The following STK31 variants were observed in gnomAD, a reference collection of about 807,000 sequenced individuals.
STK31 encodes the protein serine/threonine-protein kinase 31.
STK31 carries 89 observed loss-of-function variants against 129.7 expected under a neutral mutation model. The observed-to-expected ratio is 0.69, with a 90% CI of 0.58 to 0.82. The LOEUF is 0.82. Ranked by LOEUF, STK31 falls within the 40% of genes least tolerant of loss-of-function variation. The probability of loss-of-function intolerance (pLI) is 0.00; values close to 1 mark genes in which losing one functional copy is unlikely to be tolerated. For synonymous variants in STK31, 448 were observed against 395.3 expected (o/e 1.13, Z -1.58); for missense variants, 1,187 against 1,176.4 (o/e 1.01, Z -0.13).
At chr7:23,779,863 A>C (rs1430572224) in intron 15 of STK31, among the ~76,000 whole-genome samples, 1 of 152,146 alleles carries the variant, frequency 6.6e-6, no homozygotes, top group Non-Finnish European at 1.5e-5. Flanking sequence ...TCTTGCTGGC[A>C]TTCCAGGTGC....
At chr7:23,729,061 G>T in intron 5 of STK31, 30 bp from the exon 6 acceptor site, 1 of 1,558,050 alleles carries the variant, frequency 6.4e-7, no homozygotes, top group Non-Finnish European at 8.6e-7. Flanking sequence ...TCTGGGGTCA[G>T]TATTCGTATT....
At chr7:23,773,198 C>T (rs1007693949) in intron 15 of STK31, among the ~76,000 whole-genome samples, 1 of 152,022 alleles carries the variant, frequency 6.6e-6, no homozygotes, top group South Asian at 2.1e-4. Context: ...TCCCCTAGAC[C>T]CCCACCCCCT....
At chr7:23,717,129 A>G (rs1466484667) in intron 3 of STK31, among the ~76,000 whole-genome samples, 7 of 30,134 alleles carry the variant, frequency 2.3e-4, no homozygotes, top group African/African-American at 9.4e-4. Flanking sequence ...TTTTTTTAGC[A>G]TTTCTTTACT....
intron 22 of STK31, among the ~76,000 whole-genome samples, chr7:23,793,328 C>T (rs545632939): frequency 2.6e-5 from 4 of 152,062 alleles, no homozygotes; most frequent in African/African-American, 7.2e-5. Flanking sequence ...ATTTGACTTT[C>T]GATTTGGCAA....
intron 9 of STK31, among the ~76,000 whole-genome samples, chr7:23,754,054 A>C (rs956400827): frequency 1.3e-5 from 2 of 152,068 alleles, no homozygotes; most frequent in East Asian, 3.8e-4. Context: ...TAATTTTTTC[A>C]TATTTTTTAT....
At chr7:23,727,520 G>T in intron 5 of STK31, 8 of 369,654 alleles carry the variant, frequency 2.2e-5, no homozygotes, top group East Asian at 5.5e-5. Flanking sequence ...ATAATATGTA[G>T]GTTATTTTTG....
At chr7:23,733,106 ATGTG>A (rs1787525433) in intron 6 of STK31, among the ~76,000 whole-genome samples, 1 of 152,100 alleles carries the variant, frequency 6.6e-6, no homozygotes, top group South Asian at 2.1e-4. Context: ...TCTTGATATA[ATGTG>A]TGTATTTCTG....
chr7:23,733,168 A>G (rs1487494406), intron 6 of STK31, among the ~76,000 whole-genome samples: 1 of 152,146 alleles, frequency 6.6e-6, no homozygotes. Flanking sequence ...TTGTTAACCT[A>G]AAGTATTATA....
chr7:23,787,964 G>A lies in STK31; in HGVS notation c.2488-16G>A, dbSNP rs751416435. Reference sequence around the variant, plus strand: ...TTGCCTACTTCCTCACTTCTTTTATGTGTACTTATCTATAGGAAACTTTAA... The same window carrying A: ...TTGCCTACTTCCTCACTTCTTTTATATGTACTTATCTATAGGAAACTTTAA... On this transcript the variant is annotated splice_polypyrimidine_tract_variant and intron_variant, in intron 20 of 23. Transcript: ENST00000355870. The A allele has an allele frequency of 4.0e-6, 6 of 1,506,860 alleles. No homozygotes were observed. The South Asian group carries it at 8.2e-5, about 21-fold the overall frequency. 93.3% of individuals were successfully genotyped at this position (1,506,860 alleles called of 1,614,324 possible).
At chr7:23,760,722 C>T (rs578205257) in intron 10 of STK31, among the ~76,000 whole-genome samples, 19 of 152,122 alleles carry the variant, frequency 1.2e-4, no homozygotes, top group Non-Finnish European at 1.5e-4. Flanking sequence ...TGCAGTGGCA[C>T]GATCACAGCT....
chr7:23,743,513 G>GGGGTTTCCTTATAATTGATGA lies in STK31; in HGVS notation c.1017+6436_1017+6456dup, dbSNP rs1163441558. 4.7e-4 allele frequency among the ~76,000 whole-genome samples: 72 copies of GGGGTTTCCTTATAATTGATGA among 152,238 alleles called. 1 individual carries two copies. Among genetic ancestry groups the GGGGTTTCCTTATAATTGATGA allele is most frequent in the African/African-American group, 1.6e-3 (68 of 41,538 alleles). On this transcript the variant is annotated intron_variant, in intron 8 of 23. Transcript: ENST00000355870. The stretch of plus-strand genomic sequence containing the variant: ...TGAGAAATTTACAGTTAATCTGATG[G>GGGGTTTCCTTATAATTGATGA]GGGTTTCCTTATAATTGATGACACG...
At chr7:23,820,689 C>T (rs1340310819) in intron 23 of STK31, among the ~76,000 whole-genome samples, 2 of 152,158 alleles carry the variant, frequency 1.3e-5, no homozygotes, top group Non-Finnish European at 2.9e-5. Flanking sequence ...CACCCACATT[C>T]TCTTAGTCTC....
chr7:23,822,454 G>A (rs1216864558), intron 23 of STK31, among the ~76,000 whole-genome samples: 1 of 152,012 alleles, frequency 6.6e-6, no homozygotes, highest in Admixed American at 6.6e-5. Flanking sequence ...TTGGTTTATA[G>A]AAATGCTACT....
intron 4 of STK31, 92 bp downstream of exon 4, chr7:23,717,671 G>A: frequency 1.0e-6 from 1 of 955,158 alleles, no homozygotes; most frequent in South Asian, 1.6e-5. Context: ...TGGTATATTT[G>A]AAAAGAAGAG....
At chr7:23,758,652 A>C (rs1789262538) in intron 10 of STK31, among the ~76,000 whole-genome samples, 1 of 151,982 alleles carries the variant, frequency 6.6e-6, no homozygotes. Flanking sequence ...TGTGTCCTGG[A>C]GATTCTGGTA....
chr7:23,731,066 T>A (rs1787404583), intron 6 of STK31, among the ~76,000 whole-genome samples: 1 of 151,224 alleles, frequency 6.6e-6, no homozygotes, highest in African/African-American at 2.4e-5. Flanking sequence ...GTATTTTTAG[T>A]AGAGGTGGGG....
intron 6 of STK31, among the ~76,000 whole-genome samples, chr7:23,733,462 C>G (rs1347341455): frequency 6.7e-6 from 1 of 148,206 alleles, no homozygotes; most frequent in African/African-American, 2.5e-5. Context: ...GTCTCCTTCT[C>G]TGCCCCTTCA....
Position 23,771,121 on chromosome 7 carries a change from T to G in STK31, c.1830T>G (p.Ile610Met), listed in dbSNP as rs1436579797. The G allele has an allele frequency of 6.3e-7, 1 of 1,576,078 alleles. No individual in the cohort carries two copies. Among genetic ancestry groups the G allele is most frequent in the Non-Finnish European group, 8.6e-7 (1 of 1,166,474 alleles). Residue 610 changes from isoleucine to methionine, a missense_variant, in exon 14 of 24, where the codon ATT becomes ATG. Physicochemically the swap from Ile to Met is conservative, Grantham distance 10. Transcript: ENST00000355870. ...TACAAGCTAAGTACAAGGACAGTAT[T>G]GAGGTTTGATTGTGCTTTCTCTTAT... is the stretch of plus-strand genomic sequence containing the variant. ...ATVQAKYKDSIEFKKQLIEYL... is the reference protein window; with the variant it reads ...ATVQAKYKDSMEFKKQLIEYL...
chr7:23,826,327 G>T (rs1433612719), intron 23 of STK31, among the ~76,000 whole-genome samples: 1 of 152,100 alleles, frequency 6.6e-6, no homozygotes, highest in Non-Finnish European at 1.5e-5. Context: ...TCTTCTTGTT[G>T]AATTGATCCC....
Sources: gnomAD v4.1 joint callset for allele counts (sites outside exome capture counted in the v4.1 genomes callset) on GRCh38, gnomAD v4.1.1 for gene constraint, MANE v1.5 for transcripts, NCBI Gene and HGNC (gene_info 2026-07-23, HGNC 2026-07-21) for gene names.